Variants in LRP1B observed in about 807,000 individuals in gnomAD.
The protein encoded by LRP1B is low-density lipoprotein receptor-related protein 1B.
LRP1B carries 217 observed loss-of-function variants against 556.6 expected under a neutral mutation model. The observed-to-expected ratio is 0.39, with a 90% CI of 0.35 to 0.44. The LOEUF is 0.44. Ranked by LOEUF, LRP1B falls within the 20% of genes least tolerant of loss-of-function variation. The probability of loss-of-function intolerance (pLI) is 1.00; values close to 1 mark genes in which losing one functional copy is unlikely to be tolerated. For missense variants in LRP1B, 5,053 were observed against 5,620.8 expected, an observed-to-expected ratio of 0.90 and a Z score of 3.23; for synonymous variants, 2,047 against 1,865.8, an observed-to-expected ratio of 1.10 and a Z score of -2.50.
At chr2:140,684,641 T>C (rs1161806983) in intron 41 of LRP1B, among the ~76,000 whole-genome samples, 1 of 152,232 alleles carries the variant, frequency 6.6e-6, no homozygotes, top group Non-Finnish European at 1.5e-5. Flanking sequence ...TACATTTCTA[T>C]TATTCTGAAG....
At chr2:140,703,573 T>C (rs1254834008) in intron 37 of LRP1B, among the ~76,000 whole-genome samples, 1 of 152,066 alleles carries the variant, frequency 6.6e-6, no homozygotes, top group Non-Finnish European at 1.5e-5. Flanking sequence ...AACAGCTGGG[T>C]GTATAGTTCC....
chr2:141,776,366 G>A (rs116235096), intron 2 of LRP1B, among the ~76,000 whole-genome samples: 1,673 of 152,298 alleles, frequency 0.011, 25 homozygotes, highest in African/African-American at 0.038. Context: ...TTTGGCGAGA[G>A]CCACTCCATA....
At chr2:141,306,802 T>A (rs1686606912) in intron 3 of LRP1B, among the ~76,000 whole-genome samples, 1 of 152,120 alleles carries the variant, frequency 6.6e-6, no homozygotes, top group African/African-American at 2.4e-5. Flanking sequence ...TAGGTTCTGG[T>A]ATTATGTATC....
At chr2:141,276,658 C>CTTT (rs11353705) in intron 3 of LRP1B, among the ~76,000 whole-genome samples, 6 of 122,906 alleles carry the variant, frequency 4.9e-5, no homozygotes, top group East Asian at 2.5e-4. Flanking sequence ...TTCTTTCTTT[C>CTTT]TTTTTTTTTT....
Position 141,096,331 on chromosome 2 carries a change from T to C in LRP1B, c.1014-34058A>G, listed in dbSNP as rs190234673. Among the ~76,000 whole-genome samples the C allele has an allele frequency of 4.2e-3, 644 of 152,198 alleles. 3 individuals are homozygous for C. Among genetic ancestry groups the C allele is most frequent in the African/African-American group, 0.015 (623 of 41,514 alleles). ...GGCCAGGCGCAGTGGCTCACTCCTG[T>C]AATCCCAGCACTTCGGGAGGCTGAA... On this transcript the variant is annotated intron_variant, in intron 7 of 90. Transcript: ENST00000389484.
intron 1 of LRP1B, among the ~76,000 whole-genome samples, chr2:141,937,931 C>T (rs886077514): frequency 6.6e-6 from 1 of 152,124 alleles, no homozygotes; most frequent in African/African-American, 2.4e-5. Context: ...TTTCCTGAAA[C>T]AATTTATTAG....
chr2:141,830,474 A>G (rs1477232037), intron 1 of LRP1B, among the ~76,000 whole-genome samples: 1 of 151,912 alleles, frequency 6.6e-6, no homozygotes, highest in Non-Finnish European at 1.5e-5. Flanking sequence ...TCAACACAGA[A>G]CACATTCCAA....
intron 66 of LRP1B, 73 bp from the exon 67 acceptor site, chr2:140,386,082 TGCCA>T (rs1683748935): frequency 1.1e-6 from 1 of 878,192 alleles, no homozygotes; most frequent in Non-Finnish European, 1.9e-6. Flanking sequence ...CTCACTGCCA[TGCCA>T]AATCCATGGC....
chr2:141,579,328 T>C (rs1425658606), intron 2 of LRP1B, among the ~76,000 whole-genome samples: 2 of 152,144 alleles, frequency 1.3e-5, no homozygotes, highest in African/African-American at 4.8e-5. Flanking sequence ...CATAGTAAAA[T>C]GAAATCATCA....
Position 142,018,697 on chromosome 2 carries a change from G to A in LRP1B, c.82+111951C>T, listed in dbSNP as rs1051129353. Among the ~76,000 whole-genome samples the A allele has an allele frequency of 7.9e-5, 12 of 151,816 alleles. No individual in the cohort carries two copies. In the South Asian group the frequency reaches 2.3e-3, roughly 29 times the overall value. On this transcript the variant is annotated intron_variant, in intron 1 of 90. Coordinates refer to ENST00000389484, the MANE Select transcript of LRP1B (RefSeq NM_018557.3). Reference sequence around the variant, plus strand: ...AGACTTTTATCCATCTCAAAAATGTGCCCATGTCCATATAGATTAAGTCAA... The same window carrying A: ...AGACTTTTATCCATCTCAAAAATGTACCCATGTCCATATAGATTAAGTCAA...
At chr2:141,835,787 G>T (rs1697256096) in intron 1 of LRP1B, among the ~76,000 whole-genome samples, 1 of 151,430 alleles carries the variant, frequency 6.6e-6, no homozygotes, top group African/African-American at 2.4e-5. Flanking sequence ...GCTATAAAGT[G>T]GTAAGTAGTG....
At chr2:140,572,889 T>C (rs749097600) in intron 43 of LRP1B, among the ~76,000 whole-genome samples, 7 of 151,834 alleles carry the variant, frequency 4.6e-5, no homozygotes, top group Non-Finnish European at 1.0e-4. Flanking sequence ...TTATTTTAAG[T>C]GAAATAAACC....
intron 2 of LRP1B, among the ~76,000 whole-genome samples, chr2:141,500,317 CA>C (rs1326850898): frequency 2.0e-5 from 3 of 152,146 alleles, no homozygotes; most frequent in Non-Finnish European, 4.4e-5. Context: ...TGTAAGCTCT[CA>C]AACCTAGCCA....
intron 41 of LRP1B, among the ~76,000 whole-genome samples, chr2:140,661,504 TA>T (rs71408466): frequency 0.052 from 6,335 of 122,520 alleles, 287 homozygotes; most frequent in African/African-American, 0.13. Flanking sequence ...TACAAATAAT[TA>T]AAAAAAAAAA....
intron 1 of LRP1B, among the ~76,000 whole-genome samples, chr2:141,825,021 G>T (rs1041271924): frequency 6.6e-6 from 1 of 152,124 alleles, no homozygotes; most frequent in African/African-American, 2.4e-5. Context: ...TGTGAAGAAG[G>T]TATTTTCTTC....
chr2:141,031,519 G>A (rs1472936934), intron 11 of LRP1B, among the ~76,000 whole-genome samples: 1 of 151,690 alleles, frequency 6.6e-6, no homozygotes, highest in Non-Finnish European at 1.5e-5. Flanking sequence ...AATCTTCTGG[G>A]TAGTTTCAAA....
intron 16 of LRP1B, among the ~76,000 whole-genome samples, chr2:140,990,841 T>A (rs1029573444): frequency 2.6e-5 from 4 of 152,148 alleles, no homozygotes; most frequent in Non-Finnish European, 5.9e-5. Flanking sequence ...TTATGCCCAG[T>A]AGTTACACTT....
At chr2:140,670,501 G>A (rs571352606) in intron 41 of LRP1B, among the ~76,000 whole-genome samples, 1 of 152,226 alleles carries the variant, frequency 6.6e-6, no homozygotes, top group South Asian at 2.1e-4. Context: ...TAGAAGGACT[G>A]GTGGAAGATC....
At chr2:140,821,270 C>T (rs1691320761) in intron 31 of LRP1B, among the ~76,000 whole-genome samples, 1 of 152,060 alleles carries the variant, frequency 6.6e-6, no homozygotes, top group African/African-American at 2.4e-5. Context: ...AATTTAATAA[C>T]ATTTGAATTA....
Sources: allele counts gnomAD v4.1 joint callset (sites outside exome capture counted in the v4.1 genomes callset), GRCh38; gene constraint gnomAD v4.1.1; transcripts MANE v1.5; gene names NCBI Gene and HGNC (gene_info 2026-07-23, HGNC 2026-07-21).